Variants in CDHR2 observed in about 807,000 individuals in gnomAD.
The protein encoded by CDHR2 is cadherin-related family member 2.
In CDHR2, 104 loss-of-function variants were observed where a neutral mutation model predicts 138.6. The ratio of observed to expected loss-of-function variants is 0.75; its 90% CI spans 0.64 to 0.88. The LOEUF (loss-of-function observed/expected upper bound fraction) is 0.88. CDHR2 is among the 40% of genes least tolerant of loss of function. CDHR2 has a pLI of 0.00. For synonymous variants in CDHR2, 755 were observed against 742.8 expected (o/e 1.02, Z -0.27); for missense variants, 1,624 against 1,727.6 (o/e 0.94, Z 1.06).
At chr5:176,564,170 C>T (rs1172840805) in intron 1 of CDHR2, among the ~76,000 whole-genome samples, 1 of 152,146 alleles carries the variant, frequency 6.6e-6, no homozygotes, top group African/African-American at 2.4e-5. Flanking sequence ...TGTGGAGTGA[C>T]ACATCAGTTG....
Position 176,577,433 on chromosome 5 carries a change from G to T in CDHR2, c.1229G>T (p.Gly410Val), listed in dbSNP as rs755987126. 5.0e-6 allele frequency: 8 copies of T among 1,609,628 alleles called. No homozygotes were observed. In the African/African-American group the frequency reaches 9.3e-5, roughly 19 times the overall value. Residue 410 changes from glycine to valine, a missense_variant, in exon 13 of 32, where the codon GGC (glycine) becomes GTC (valine). By Grantham distance (109) the Gly-to-Val change is moderately radical (BLOSUM62 -3). Coordinates refer to ENST00000261944, the MANE Select transcript of CDHR2 (RefSeq NM_017675.6). The stretch of plus-strand genomic sequence containing the variant: ...GGCACCTTCCTGTTGTCGCTGGGGG[G>T]CCCCGATGCAGAAGCCTTCAGCGTC... The part of the protein sequence containing the change: ...SNGTFLLSLG[G>V]PDAEAFSVSP...
chr5:176,557,780 T>C (rs1161464270), intron 1 of CDHR2, among the ~76,000 whole-genome samples: 1 of 151,748 alleles, frequency 6.6e-6, no homozygotes, highest in Non-Finnish European at 1.5e-5. Flanking sequence ...CGATCTTGGC[T>C]CACTGCAACA....
Position 176,551,701 on chromosome 5 carries a change from C to CTTTTTT in CDHR2, c.-16+2300_-16+2305dup, listed in dbSNP as rs34996600. On this transcript the variant is annotated intron_variant, in intron 1 of 31. Transcript: ENST00000261944. ...GCCACCACACCTAGCCAAGAGTTCT[C>CTTTTTT]TTTTTTTTTTTTTTTTTTGAGACAG... 1.7e-3 allele frequency among the ~76,000 whole-genome samples: 193 copies of CTTTTTT among 114,232 alleles called. 3 individuals carry two copies. Among genetic ancestry groups the CTTTTTT allele is most frequent in the East Asian group, 6.4e-3 (24 of 3,754 alleles). The allele number at this position is 114,232 out of a possible 152,430, so 74.9% of individuals were successfully genotyped here. A position where few individuals can be genotyped will look rare whatever the true frequency, so the allele number is the denominator to read the frequency against.
rs1366547310 is a variant in CDHR2 at position 176,589,761 on chromosome 5, C to G, written c.3206+145C>G. ...CCTGTCTTCAACCCTGTACTTTCACCTGCACGACGTTCTTGCATGTCCCCA... is the reference window on the plus strand; with the variant it reads ...CCTGTCTTCAACCCTGTACTTTCACGTGCACGACGTTCTTGCATGTCCCCA... On this transcript the variant is annotated intron_variant, in intron 24 of 31. Transcript: ENST00000261944. 3 of 738,980 alleles carry G rather than the reference C, an allele frequency of 4.1e-6. No homozygotes were observed. In the African/African-American group the frequency reaches 5.3e-5, roughly 13 times the overall value. The allele number at this position is 738,980 out of a possible 1,614,324, so 45.8% of individuals were successfully genotyped here. A position where few individuals can be genotyped will look rare whatever the true frequency, so the allele number is the denominator to read the frequency against.
In CDHR2 at chr5:176,571,204, C is replaced by T; in HGVS notation, c.316-9C>T. On this transcript the variant is annotated splice_polypyrimidine_tract_variant and intron_variant, in intron 5 of 31. Transcript: ENST00000261944. The stretch of plus-strand genomic sequence containing the variant: ...TTTTCTGGGGTCCCCTGGGCTTTCT[C>T]ACTTGCAGGTGCAGAGGGAGATGCT... The T allele has an allele frequency of 1.2e-6, 2 of 1,606,042 alleles. No homozygotes were observed. Among genetic ancestry groups the T allele is most frequent in the Non-Finnish European group, 1.7e-6 (2 of 1,173,568 alleles).
In CDHR2 at chr5:176,572,106, G is replaced by A. The variant is rs188070638; in HGVS notation, c.405+804G>A. Among the ~76,000 whole-genome samples, 1,175 of 151,784 alleles carry A rather than the reference G, an allele frequency of 7.7e-3. 3 individuals carry two copies. Among genetic ancestry groups the A allele is most frequent in the Non-Finnish European group, 0.013 (851 of 67,932 alleles). On this transcript the variant is annotated intron_variant, in intron 6 of 31. Coordinates refer to ENST00000261944, the MANE Select transcript of CDHR2 (RefSeq NM_017675.6). ...GTGGTGATAAAAGTACAGGCTCGCC[G>A]GGTGCCGTGGCTCACTCCTGTAATA...
chr5:176,583,616 G>A (rs1758576110), intron 17 of CDHR2, among the ~76,000 whole-genome samples: 1 of 151,158 alleles, frequency 6.6e-6, no homozygotes, highest in Non-Finnish European at 1.5e-5. Flanking sequence ...GCTAGGGCTG[G>A]CCACAGAGGT....
chr5:176,573,337 C>T (rs1451516168), intron 6 of CDHR2, among the ~76,000 whole-genome samples: 2 of 151,906 alleles, frequency 1.3e-5, no homozygotes, highest in Non-Finnish European at 2.9e-5. Context: ...TCTGTGGCCA[C>T]CATTAGGAAG....
chr5:176,588,472 T>A (rs969008886), intron 21 of CDHR2, among the ~76,000 whole-genome samples: 50 of 149,390 alleles, frequency 3.3e-4, no homozygotes, highest in Middle Eastern at 3.5e-3. Flanking sequence ...TGAGTGTATG[T>A]GAGTGTGAGA....
chr5:176,594,384 T>G (rs1363651188), intron 31 of CDHR2, among the ~76,000 whole-genome samples: 1 of 152,142 alleles, frequency 6.6e-6, no homozygotes, highest in Non-Finnish European at 1.5e-5. Flanking sequence ...TTCCCAGGAA[T>G]CTCTTGGTGC....
Position 176,565,742 on chromosome 5 carries a change from G to A in CDHR2, c.123G>A (p.Val41=). 6.2e-7 allele frequency: 1 copy of A among 1,613,380 alleles called. No homozygotes were observed. The change falls in exon 3 of 32, where the codon GTG becomes GTA. Residue 41 remains valine, a splice_region_variant and synonymous_variant. Transcript: ENST00000261944. ...TGATCCTGCCTGAGGACCTGCCTGTGGGTGAGTCCCGGTCCCTGTGTCTGC... is the reference window on the plus strand; with the variant it reads ...TGATCCTGCCTGAGGACCTGCCTGTAGGTGAGTCCCGGTCCCTGTGTCTGC... ...TSVILPEDLP[V]GAQAFWLVAE...
intron 1 of CDHR2, among the ~76,000 whole-genome samples, chr5:176,560,368 C>T (rs2113269074): frequency 6.6e-6 from 1 of 151,620 alleles, no homozygotes; most frequent in Admixed American, 6.6e-5. Flanking sequence ...TGCACTCCAG[C>T]CTGGGCGACA....
chr5:176,578,620 C>T lies in CDHR2; in HGVS notation c.1818+12C>T, dbSNP rs570473678. 1.1e-5 allele frequency: 18 copies of T among 1,606,930 alleles called. No individual in the cohort carries two copies. The African/African-American group carries it at 1.6e-4, about 14-fold the overall frequency. On this transcript the variant is annotated intron_variant, in intron 16 of 31. Transcript: ENST00000261944. ...CCGTGACCATCCAGGTGTGAGCCTG[C>T]CTGGACCTGGTGGGTAAGGCTGGGG... is the stretch of plus-strand genomic sequence containing the variant.
rs751004055 is a variant in CDHR2, at chr5:176,565,723, T to A, written c.104T>A (p.Leu35Gln). ...KFLANMTSVI[L>Q]PEDLPVGAQA... is the part of the protein sequence containing the mutation. ...CTAGCCAACATGACGTCAGTGATCC[T>A]GCCTGAGGACCTGCCTGTGGGTGAG... is the stretch of plus-strand genomic sequence containing the variant. Residue 35 changes from leucine to glutamine, a missense_variant, in exon 3 of 32, where the codon CTG (leucine) becomes CAG (glutamine). Around this residue, in one of 3 missense-constraint regions of CDHR2, gnomAD observed 1,061 missense variants for 1,136.6 expected, o/e 0.93. Coordinates refer to ENST00000261944, the MANE Select transcript of CDHR2 (RefSeq NM_017675.6). 2.5e-6 allele frequency: 4 copies of A among 1,613,910 alleles called. No homozygotes were observed. In the East Asian group the frequency reaches 6.7e-5, roughly 27 times the overall value.
At chr5:176,562,092 C>T (rs1218677337) in intron 1 of CDHR2, among the ~76,000 whole-genome samples, 1 of 151,532 alleles carries the variant, frequency 6.6e-6, no homozygotes, top group Non-Finnish European at 1.5e-5. Context: ...GGGAGTGGTT[C>T]GAGGTGAAGC....
chr5:176,549,545 C>G (rs921963483), intron 1 of CDHR2, 131 bp downstream of exon 1: 1 of 152,226 alleles, frequency 6.6e-6, no homozygotes, highest in Non-Finnish European at 1.5e-5. Context: ...AAGTCACACG[C>G]TAGATGGGGC....
At chr5:176,591,698 GTGA>G (rs1758853923) in intron 30 of CDHR2, 3 of 564,396 alleles carry the variant, frequency 5.3e-6, no homozygotes, top group Non-Finnish European at 6.5e-6. Flanking sequence ...AATGATGGTG[GTGA>G]TGATGGTGTT....
intron 1 of CDHR2, among the ~76,000 whole-genome samples, chr5:176,552,265 G>T (rs888410353): frequency 1.2e-4 from 18 of 152,368 alleles, no homozygotes; most frequent in African/African-American, 4.3e-4. Flanking sequence ...CCTGAACACA[G>T]CTCCACAGCT....
At chr5:176,562,450 T>G (rs908951126) in intron 1 of CDHR2, among the ~76,000 whole-genome samples, 1 of 151,046 alleles carries the variant, frequency 6.6e-6, no homozygotes, top group Admixed American at 6.6e-5. Context: ...GGAGGAGGGG[T>G]GGGCAGTGTG....
Sources: allele counts gnomAD v4.1 joint callset (sites outside exome capture counted in the v4.1 genomes callset), GRCh38; gene constraint gnomAD v4.1.1; regional missense constraint gnomAD v4.1.1; transcripts MANE v1.5; gene names NCBI Gene and HGNC (gene_info 2026-07-23, HGNC 2026-07-21).